CDYL: variants seen among roughly 807,000 people sequenced by gnomAD.
CDYL encodes the protein chromodomain Y like, also known as chromodomain Y-like protein.
A neutral mutation model predicts 47.3 loss-of-function variants in CDYL; 8 were observed. That is an observed-to-expected ratio of 0.17 (90% CI 0.10 to 0.31). The LOEUF is 0.31. CDYL is among the 10% of genes least tolerant of loss of function. The pLI, the probability that CDYL is intolerant of heterozygous loss-of-function variation, is 1.00. For missense variants in CDYL, 471 were observed against 701.4 expected (o/e 0.67, Z 3.71); for synonymous variants, 266 against 265.0 (o/e 1.00, Z -0.04).
At chr6:4,885,318 C>T (rs1561686511) in intron 1 of CDYL, among the ~76,000 whole-genome samples, 2 of 152,122 alleles carry the variant, frequency 1.3e-5, no homozygotes, top group Non-Finnish European at 1.5e-5. Context: ...ACTTGTGTAC[C>T]GTTCTGAGCA....
At chr6:4,953,836 C>T in intron 6 of CDYL, 62 bp from the exon 7 acceptor site, 1 of 1,494,602 alleles carries the variant, frequency 6.7e-7, no homozygotes. Flanking sequence ...AATGTGGAGG[C>T]ACAGGGGACC....
chr6:4,804,481 C>G (rs913082470), intron 1 of CDYL, among the ~76,000 whole-genome samples: 1 of 152,232 alleles, frequency 6.6e-6, no homozygotes, highest in Non-Finnish European at 1.5e-5. Context: ...ACGACCGCAT[C>G]TCCAGGCCAG....
At chr6:4,793,462 C>G (rs1758984726) in intron 1 of CDYL, among the ~76,000 whole-genome samples, 1 of 152,038 alleles carries the variant, frequency 6.6e-6, no homozygotes, top group Admixed American at 6.6e-5. Flanking sequence ...TCTCTGGAAA[C>G]CAAGGGAGAG....
intron 3 of CDYL, among the ~76,000 whole-genome samples, chr6:4,767,048 T>C (rs1305874450): frequency 1.3e-5 from 2 of 152,022 alleles, no homozygotes; most frequent in African/African-American, 4.8e-5. Context: ...ATCTTCCTCA[T>C]GAACATAGAT....
intron 3 of CDYL, among the ~76,000 whole-genome samples, chr6:4,757,209 A>G (rs1332987856): frequency 6.6e-6 from 1 of 152,270 alleles, no homozygotes; most frequent in Non-Finnish European, 1.5e-5. Flanking sequence ...GGTCTGCAAG[A>G]AAATGAGAAA....
intron 1 of CDYL, among the ~76,000 whole-genome samples, chr6:4,715,284 G>C (rs1254175901): frequency 6.9e-6 from 1 of 143,998 alleles, no homozygotes; most frequent in African/African-American, 2.6e-5. Flanking sequence ...ATGAGGACAA[G>C]ACGCGCCTCC....
intron 1 of CDYL, among the ~76,000 whole-genome samples, chr6:4,843,706 C>G (rs762128098): frequency 4.4e-4 from 67 of 152,074 alleles, no homozygotes; most frequent in Non-Finnish European, 7.4e-4. Context: ...ATTTATTTCA[C>G]TGAAGATTTT....
At chr6:4,831,626 G>T (rs1481701897) in intron 1 of CDYL, among the ~76,000 whole-genome samples, 1 of 151,982 alleles carries the variant, frequency 6.6e-6, no homozygotes, top group African/African-American at 2.4e-5. Context: ...AAAGTCATTG[G>T]TAGCTTGATG....
At chr6:4,737,871 C>T (rs143174100) in intron 3 of CDYL, among the ~76,000 whole-genome samples, 1 of 151,916 alleles carries the variant, frequency 6.6e-6, no homozygotes, top group South Asian at 2.1e-4. Context: ...TGTTTAAAAA[C>T]GTAAATTGAA....
intron 2 of CDYL, among the ~76,000 whole-genome samples, chr6:4,914,547 C>G (rs1485573808): frequency 6.6e-6 from 1 of 152,218 alleles, no homozygotes; most frequent in Non-Finnish European, 1.5e-5. Context: ...CATCTTTCCT[C>G]AGATTGCAGG....
At chr6:4,707,725 A>G (rs1360158966) in intron 1 of CDYL, among the ~76,000 whole-genome samples, 1 of 152,104 alleles carries the variant, frequency 6.6e-6, no homozygotes, top group Non-Finnish European at 1.5e-5. Context: ...TCCTCAAAAC[A>G]CTTGTTATTT....
Position 4,952,361 on chromosome 6 carries a change from T to C in CDYL, c.1428T>C (p.Thr476=), listed in dbSNP as rs540373562. ...VSQVFWPGTF[T]QEVMVRIKEL... is the part of the protein sequence containing the mutation. ...AGGTGTTTTGGCCCGGGACGTTCAC[T>C]CAGGAAGTGATGGTTCGCATTAAGG... The change falls in exon 6 of 7, where the codon ACT becomes ACC. Residue 476 remains threonine, a synonymous_variant. Coordinates refer to ENST00000397588, the MANE Select transcript of CDYL (RefSeq NM_004824.4). 16 of 1,614,122 alleles carry C rather than the reference T, an allele frequency of 9.9e-6. No individual in the cohort carries two copies. Among genetic ancestry groups the C allele is most frequent in the African/African-American group, 1.3e-5 (1 of 74,932 alleles).
intron 2 of CDYL, among the ~76,000 whole-genome samples, chr6:4,907,963 C>T (rs1757290705): frequency 6.6e-6 from 1 of 152,160 alleles, no homozygotes; most frequent in African/African-American, 2.4e-5. Context: ...CCCCCTTGAG[C>T]TCCGTGTTCT....
At chr6:4,787,859 G>T (rs1758798255) in intron 1 of CDYL, among the ~76,000 whole-genome samples, 2 of 133,132 alleles carry the variant, frequency 1.5e-5, no homozygotes, top group Admixed American at 9.4e-5. Context: ...TGCAACCTCT[G>T]CCTCCCAGTT....
intron 2 of CDYL, among the ~76,000 whole-genome samples, chr6:4,914,266 T>G (rs1392538145): frequency 6.6e-6 from 1 of 150,960 alleles, no homozygotes; most frequent in African/African-American, 2.4e-5. Flanking sequence ...CAGGGTTTGC[T>G]GCCCTTCCCC....
At chr6:4,894,834 CGT>C (rs71540834) in intron 2 of CDYL, among the ~76,000 whole-genome samples, 13,920 of 145,336 alleles carry the variant, frequency 0.096, 707 homozygotes, top group South Asian at 0.12. Context: ...CCACAAAAGT[CGT>C]GTGTGTGTGT....
chr6:4,866,059 T>C (rs1341063577), intron 1 of CDYL, among the ~76,000 whole-genome samples: 1 of 152,216 alleles, frequency 6.6e-6, no homozygotes, highest in African/African-American at 2.4e-5. Flanking sequence ...TACTGTGTTA[T>C]CTGATCACAA....
At chr6:4,899,248 C>T (rs535339378) in intron 2 of CDYL, among the ~76,000 whole-genome samples, 101 of 152,318 alleles carry the variant, frequency 6.6e-4, no homozygotes, top group Admixed American at 6.2e-3. Context: ...AGCGTTCCCT[C>T]TATCCTCTTA....
intron 3 of CDYL, among the ~76,000 whole-genome samples, chr6:4,750,057 G>C (rs1437250252): frequency 6.6e-6 from 1 of 152,086 alleles, no homozygotes; most frequent in East Asian, 1.9e-4. Context: ...TAACTGTAAA[G>C]GCCAGGCATG....
Sources: allele counts gnomAD v4.1 joint callset (sites outside exome capture counted in the v4.1 genomes callset), GRCh38; gene constraint gnomAD v4.1.1; transcripts MANE v1.5; gene names NCBI Gene and HGNC (gene_info 2026-07-23, HGNC 2026-07-21).